Variants in XIRP2 observed in about 807,000 individuals in gnomAD.
The protein encoded by XIRP2 is xin actin-binding repeat-containing protein 2.
XIRP2 carries 236 observed loss-of-function variants against 277.0 expected under a neutral mutation model. That is an observed-to-expected ratio of 0.85 (90% CI 0.77 to 0.95). The LOEUF (loss-of-function observed/expected upper bound fraction) is 0.95. XIRP2 is among the 40% of genes least tolerant of loss of function. The pLI is 0.00. For missense variants in XIRP2, 4,640 were observed against 4,157.5 expected, an observed-to-expected ratio of 1.12 and a Z score of -3.19; for synonymous variants, 1,490 against 1,416.5, an observed-to-expected ratio of 1.05 and a Z score of -1.17.
intron 4 of XIRP2, 111 bp downstream of exon 4, chr2:167,211,006 A>G: frequency 7.5e-7 from 1 of 1,332,402 alleles, no homozygotes; most frequent in African/African-American, 1.5e-5. Flanking sequence ...TAAAGTAGAA[A>G]GAGCACAAAA....
At chr2:166,963,538 A>G (rs940324985) in intron 2 of XIRP2, among the ~76,000 whole-genome samples, 1 of 151,920 alleles carries the variant, frequency 6.6e-6, no homozygotes, top group African/African-American at 2.4e-5. Flanking sequence ...AGGAATGGTC[A>G]GTCATGTTAT....
chr2:167,166,994 G>A (rs1323150295), intron 3 of XIRP2, among the ~76,000 whole-genome samples: 1 of 152,022 alleles, frequency 6.6e-6, no homozygotes, highest in Admixed American at 6.6e-5. Context: ...TTATCAGTTT[G>A]TGCCTCTCAT....
chr2:167,204,550 A>G (rs1176976717), intron 3 of XIRP2, among the ~76,000 whole-genome samples: 1 of 152,148 alleles, frequency 6.6e-6, no homozygotes, highest in Non-Finnish European at 1.5e-5. Flanking sequence ...CTGTTTCCTT[A>G]TCTGTAAAAT....
intron 2 of XIRP2, among the ~76,000 whole-genome samples, chr2:166,966,269 A>G (rs1430148783): frequency 6.6e-6 from 1 of 151,872 alleles, no homozygotes; most frequent in African/African-American, 2.4e-5. Context: ...AGAAAACTTG[A>G]AAAATTTCTT....
At chr2:167,152,286 T>G (rs1692040836) in intron 3 of XIRP2, among the ~76,000 whole-genome samples, 1 of 151,946 alleles carries the variant, frequency 6.6e-6, no homozygotes, top group Non-Finnish European at 1.5e-5. Context: ...TCCTTTGGAG[T>G]CTCCAAAGAC....
chr2:167,247,622 A>G lies in XIRP2; in HGVS notation c.6230A>G (p.Glu2077Gly), dbSNP rs1049802978. 3.1e-6 allele frequency: 5 copies of G among 1,613,562 alleles called. No individual in the cohort carries two copies. The African/African-American group carries it at 6.7e-5, about 22-fold the overall frequency. The change falls in exon 9 of 11, where the codon GAA becomes GGA. Residue 2077 changes from glutamate (E) to glycine (G), a missense_variant. Transcript: ENST00000409195. The stretch of plus-strand genomic sequence containing the variant: ...ACAGGAGAACAGCATCTTAGAGATG[A>G]ATATATGAGCAGACAATTAACTTCA... The part of the protein sequence containing the change: ...DTTGEQHLRD[E>G]YMSRQLTSTV...
intron 2 of XIRP2, among the ~76,000 whole-genome samples, chr2:166,915,590 A>G (rs1684850639): frequency 6.6e-6 from 1 of 152,152 alleles, no homozygotes; most frequent in African/African-American, 2.4e-5. Flanking sequence ...AGGCCACTAA[A>G]AAGCCTCCCT....
At chr2:167,185,265 T>C (rs1168699242) in intron 3 of XIRP2, among the ~76,000 whole-genome samples, 1 of 152,158 alleles carries the variant, frequency 6.6e-6, no homozygotes, top group Non-Finnish European at 1.5e-5. Flanking sequence ...CTCTTAATTA[T>C]TACCAATTAT....
At chr2:167,119,538 A>G (rs974803982) in intron 2 of XIRP2, among the ~76,000 whole-genome samples, 2 of 152,176 alleles carry the variant, frequency 1.3e-5, no homozygotes, top group African/African-American at 2.4e-5. Flanking sequence ...GAACTAGCCT[A>G]TAAGTGATTG....
At chr2:166,925,455 G>A (rs1240369130) in intron 2 of XIRP2, among the ~76,000 whole-genome samples, 1 of 151,024 alleles carries the variant, frequency 6.6e-6, no homozygotes, top group Non-Finnish European at 1.5e-5. Context: ...CATCTATTAT[G>A]ATATAATAGT....
chr2:167,211,603 T>C (rs1694049435), intron 4 of XIRP2, among the ~76,000 whole-genome samples: 1 of 152,214 alleles, frequency 6.6e-6, no homozygotes, highest in South Asian at 2.1e-4. Context: ...AATTTCAAAT[T>C]TTAATAACAT....
At chr2:166,958,140 A>C (rs1331981980) in intron 2 of XIRP2, among the ~76,000 whole-genome samples, 2 of 151,928 alleles carry the variant, frequency 1.3e-5, no homozygotes, top group Non-Finnish European at 2.9e-5. Flanking sequence ...GCTGAATTTT[A>C]GCTTGCTGCC....
chr2:167,242,701 A>C lies in XIRP2; in HGVS notation c.1309A>C (p.Thr437Pro), dbSNP rs377112632. 5 of 1,614,044 alleles carry C rather than the reference A, an allele frequency of 3.1e-6. No homozygotes were observed. The highest frequency in any genetic ancestry group is 1.6e-4 in the Middle Eastern group (1 of 6,062). The change falls in exon 9 of 11, where the codon ACT (threonine) becomes CCT (proline). Residue 437 changes from threonine to proline, a missense_variant. Thr to Pro is a conservative substitution (Grantham distance 38). Transcript: ENST00000409195. ...RYSDHSVTSS[T>P]LAQINATSSG... ...TAGTGATCACAGTGTCACTTCCTCA[A>C]CTCTGGCACAAATTAATGCTACTTC...
intron 2 of XIRP2, among the ~76,000 whole-genome samples, chr2:166,921,278 A>G (rs920452994): frequency 2.6e-5 from 4 of 152,224 alleles, no homozygotes; most frequent in Middle Eastern, 3.4e-3. Context: ...AGTTTGTAAG[A>G]AATTGCCAAA....
intron 2 of XIRP2, among the ~76,000 whole-genome samples, chr2:167,024,190 T>C (rs1688079321): frequency 6.6e-6 from 1 of 152,166 alleles, no homozygotes; most frequent in South Asian, 2.1e-4. Context: ...GTTGGATTCC[T>C]AGGTATTTTA....
intron 5 of XIRP2, among the ~76,000 whole-genome samples, chr2:167,221,518 C>A (rs1369183086): frequency 6.7e-6 from 1 of 149,420 alleles, no homozygotes; most frequent in Non-Finnish European, 1.5e-5. Flanking sequence ...TTTTAAATGG[C>A]CTTAATTTGT....
chr2:167,094,275 C>T (rs1690231784), intron 2 of XIRP2, among the ~76,000 whole-genome samples: 1 of 152,086 alleles, frequency 6.6e-6, no homozygotes, highest in South Asian at 2.1e-4. Flanking sequence ...GTTGTCTGTT[C>T]ACTGATGATA....
intron 2 of XIRP2, among the ~76,000 whole-genome samples, chr2:167,032,541 A>C (rs1013997006): frequency 7.9e-5 from 12 of 152,124 alleles, no homozygotes; most frequent in African/African-American, 2.9e-4. Context: ...CATTTTTGCA[A>C]TGTATCCATC....
intron 5 of XIRP2, 134 bp downstream of exon 5, chr2:167,218,434 T>A: frequency 1.0e-6 from 1 of 1,002,510 alleles, no homozygotes. Flanking sequence ...AGCTTTGAAA[T>A]GTTCTAGAAA....
Sources: allele counts gnomAD v4.1 joint callset (sites outside exome capture counted in the v4.1 genomes callset), GRCh38; gene constraint gnomAD v4.1.1; transcripts MANE v1.5; gene names NCBI Gene and HGNC (gene_info 2026-07-23, HGNC 2026-07-21).